BPNT2: variants seen among roughly 807,000 people sequenced by gnomAD.
BPNT2 encodes Golgi-resident adenosine 3',5'-bisphosphate 3'-phosphatase.
Under a neutral mutation model 29.3 loss-of-function variants are expected in BPNT2, and 11 were observed. The ratio of observed to expected loss-of-function variants is 0.38; its 90% CI spans 0.24 to 0.62. The LOEUF is 0.62. BPNT2 is among the 20% of genes least tolerant of loss of function. BPNT2 has a pLI of 0.62. For missense variants in BPNT2, 459 were observed against 473.4 expected, an observed-to-expected ratio of 0.97 and a Z score of 0.28; for synonymous variants, 195 against 187.7, an observed-to-expected ratio of 1.04 and a Z score of -0.32.
intron 3 of BPNT2, among the ~76,000 whole-genome samples, chr8:56,975,927 C>T (rs1806123100): frequency 6.6e-6 from 1 of 152,186 alleles, no homozygotes; most frequent in African/African-American, 2.4e-5. Context: ...ATTTTAGTAA[C>T]TGTGTCCCTC....
rs1805837243 is a variant in BPNT2, at chr8:56,961,663, C to G, written c.*2130G>C. The G allele has an allele frequency of 1.3e-5, 2 of 152,064 alleles. No individual in the cohort carries two copies. The highest frequency in any genetic ancestry group is 6.6e-5 in the Admixed American group (1 of 15,256). 9.4% of individuals were successfully genotyped at this position (152,064 alleles called of 1,614,324 possible). A position where few individuals can be genotyped will look rare whatever the true frequency, so the allele number is the denominator to read the frequency against. On this transcript the variant is annotated 3_prime_UTR_variant, in exon 5 of 5. Transcript: ENST00000262644. ...GACCAGCCTGACCAACATGGAGAAACCCTGTCTCTAACAAAAATACAAAAA... is the reference window on the plus strand; with the variant it reads ...GACCAGCCTGACCAACATGGAGAAAGCCTGTCTCTAACAAAAATACAAAAA...
At chr8:56,978,010 C>T in intron 3 of BPNT2, 40 bp downstream of exon 3, 1 of 1,192,418 alleles carries the variant, frequency 8.4e-7, no homozygotes, top group Non-Finnish European at 1.3e-6. Flanking sequence ...ACAAACAGTT[C>T]AATAACAATA....
rs1288789751 is a variant in BPNT2, at chr8:56,978,148, A to G, written c.551-3T>C. ...AGTGACGTACTTTCGAAGATCCTCT[A>G]TGAGAAAAAAAACAAAACAACACAC... is the stretch of plus-strand genomic sequence containing the variant. On this transcript the variant is annotated splice_region_variant and splice_polypyrimidine_tract_variant and intron_variant, in intron 2 of 4. Transcript: ENST00000262644. The G allele has an allele frequency of 6.3e-7, 1 of 1,580,762 alleles. No homozygotes were observed. Among genetic ancestry groups the G allele is most frequent in the Non-Finnish European group, 8.7e-7 (1 of 1,151,024 alleles).
Position 56,966,227 on chromosome 8 carries a change from CA to C in BPNT2, c.771del (p.Phe257LeufsTer18), listed in dbSNP as rs1255928847. The C allele has an allele frequency of 6.2e-7, 1 of 1,613,998 alleles. No individual in the cohort carries two copies. The highest frequency in any genetic ancestry group is 1.3e-5 in the African/African-American group (1 of 74,910). ...GMVKQVALQT[F>X]GNQTTIIPAG... is the part of the protein sequence containing the mutation. ...GCTGGGATAATTGTAGTCTGGTTTC[CA>C]AAAGTCTGAAGAGCGACCTGTTTGA... On this transcript the variant is annotated frameshift_variant, in exon 4 of 5. Coordinates refer to ENST00000262644, the MANE Select transcript of BPNT2 (RefSeq NM_017813.5). LOFTEE classifies it high-confidence loss of function.
intron 3 of BPNT2, among the ~76,000 whole-genome samples, chr8:56,969,469 G>A (rs747410128): frequency 6.6e-6 from 1 of 152,124 alleles, no homozygotes; most frequent in Non-Finnish European, 1.5e-5. Context: ...AACCAAAGAT[G>A]GGAATAAGGT....
chr8:56,974,799 G>A (rs1806105348), intron 3 of BPNT2, among the ~76,000 whole-genome samples: 1 of 152,136 alleles, frequency 6.6e-6, no homozygotes, highest in African/African-American at 2.4e-5. Context: ...CTTCTTTAAG[G>A]TGGGTAAGCC....
rs528660052 is a variant in BPNT2 at position 56,962,797 on chromosome 8, A to G, written c.*996T>C. On this transcript the variant is annotated 3_prime_UTR_variant, in exon 5 of 5. Transcript: ENST00000262644. ...TTGATAATGAAAGGATCTTCTATAT[A>G]CAAACCTAGCAAATTAAAAAAAAAT... The G allele has an allele frequency of 1.3e-5, 2 of 152,228 alleles. No homozygotes were observed. Among genetic ancestry groups the G allele is most frequent in the South Asian group, 2.1e-4 (1 of 4,828 alleles). 9.4% of individuals were successfully genotyped at this position (152,228 alleles called of 1,614,324 possible).
chr8:56,978,280 GCAAA>G, intron 2 of BPNT2, 135 bp from the exon 3 acceptor site: 1 of 699,672 alleles, frequency 1.4e-6, no homozygotes, highest in Non-Finnish European at 2.6e-6. Context: ...ATCCCTTCAA[GCAAA>G]CAGAGTCTGA....
In BPNT2 at chr8:56,963,843, G is replaced by T. The variant is rs1478039395; in HGVS notation, c.1030C>A (p.Gln344Lys). The change falls in exon 5 of 5, where the codon CAG (glutamine) becomes AAG (lysine). Residue 344 changes from glutamine (Q) to lysine (K), a missense_variant. Transcript: ENST00000262644. The stretch of plus-strand genomic sequence containing the variant: ...TCTGGGAGTTTTCTGACCAGGGCCT[G>T]GTGGTTCATTCTGATGCTAGCAAGG... ...GLLASIRMNH[Q>K]ALVRKLPDLE... 3 of 1,614,022 alleles carry T rather than the reference G, an allele frequency of 1.9e-6. No individual in the cohort carries two copies. In the African/African-American group the frequency reaches 4.0e-5, roughly 22 times the overall value.
At chr8:56,966,511 T>C (rs1193024161) in intron 3 of BPNT2, among the ~76,000 whole-genome samples, 159 bp from the exon 4 acceptor site, 1 of 152,028 alleles carries the variant, frequency 6.6e-6, no homozygotes, top group Non-Finnish European at 1.5e-5. Flanking sequence ...TTTTTCAGAG[T>C]ACAAAAGTAG....
At position 56,971,782 on chromosome 8, in the gene BPNT2, AC is replaced by A. The variant is rs71258551; in HGVS notation, c.647-5431del. ...TGTATTACTGAAATAATTTTGTACCACCCCCCCCCCCACAATGCTACTGTGT... is the reference window on the plus strand; with the variant it reads ...TGTATTACTGAAATAATTTTGTACCACCCCCCCCCCACAATGCTACTGTGT... On this transcript the variant is annotated intron_variant, in intron 3 of 4. Coordinates refer to ENST00000262644, the MANE Select transcript of BPNT2 (RefSeq NM_017813.5). Among the ~76,000 whole-genome samples, 98 of 104,150 alleles carry A rather than the reference AC, an allele frequency of 9.4e-4. 9 individuals are homozygous for A. The highest frequency in any genetic ancestry group is 1.7e-3 in the East Asian group (5 of 2,976). The allele number at this position is 104,150 out of a possible 152,430, so 68.3% of individuals were successfully genotyped here.
chr8:56,967,070 T>C, intron 3 of BPNT2: 1 of 428,668 alleles, frequency 2.3e-6, no homozygotes, highest in Admixed American at 2.6e-5. Context: ...TTGGAAGTTT[T>C]CTTCACTGAC....
chr8:56,986,572 T>C (rs1350394032), intron 1 of BPNT2, among the ~76,000 whole-genome samples: 1 of 152,182 alleles, frequency 6.6e-6, no homozygotes. Context: ...CATTGTGAAT[T>C]GAGAAGCATT....
At chr8:56,990,082 T>C (rs1159776094) in intron 1 of BPNT2, among the ~76,000 whole-genome samples, 4 of 152,208 alleles carry the variant, frequency 2.6e-5, no homozygotes, top group African/African-American at 4.8e-5. Flanking sequence ...ACTATATTAG[T>C]GCTTCTCAAA....
At chr8:56,990,918 T>C (rs1585570055) in intron 1 of BPNT2, among the ~76,000 whole-genome samples, 1 of 152,182 alleles carries the variant, frequency 6.6e-6, no homozygotes, top group Non-Finnish European at 1.5e-5. Flanking sequence ...GGCACTAGGA[T>C]AAAAGAAAGA....
At chr8:56,975,586 A>G (rs1392591106) in intron 3 of BPNT2, among the ~76,000 whole-genome samples, 1 of 152,192 alleles carries the variant, frequency 6.6e-6, no homozygotes, top group Non-Finnish European at 1.5e-5. Context: ...GTAAGATACT[A>G]TTAAGGAGTG....
chr8:56,975,950 AG>A (rs1361019575), intron 3 of BPNT2, among the ~76,000 whole-genome samples: 2 of 152,184 alleles, frequency 1.3e-5, no homozygotes, highest in Non-Finnish European at 2.9e-5. Context: ...TCTGTGTAGC[AG>A]TACTATGCTG....
chr8:56,971,367 T>C (rs1806027554), intron 3 of BPNT2, among the ~76,000 whole-genome samples: 1 of 151,636 alleles, frequency 6.6e-6, no homozygotes. Context: ...TTAATAGCTA[T>C]AAAATTTCCA....
intron 1 of BPNT2, 128 bp from the exon 2 acceptor site, chr8:56,980,325 G>C (rs1302688850): frequency 4.0e-6 from 3 of 752,056 alleles, no homozygotes; most frequent in Non-Finnish European, 6.6e-6. Flanking sequence ...TATTTCTTTT[G>C]ATGCTCCATA....
Sources: gnomAD v4.1 joint callset for allele counts (sites outside exome capture counted in the v4.1 genomes callset) on GRCh38, gnomAD v4.1.1 for gene constraint, MANE v1.5 for transcripts, NCBI Gene and HGNC (gene_info 2026-07-23, HGNC 2026-07-21) for gene names.